GRIK1: variants seen among roughly 807,000 people sequenced by gnomAD.
GRIK1 encodes the protein glutamate receptor ionotropic, kainate 1.
GRIK1 carries 69 observed loss-of-function variants against 105.7 expected under a neutral mutation model. That is an observed-to-expected ratio of 0.65 (90% CI 0.54 to 0.80). The LOEUF (loss-of-function observed/expected upper bound fraction) is 0.80. Ranked by LOEUF, GRIK1 falls within the 30% of genes least tolerant of loss-of-function variation. GRIK1 has a pLI of 0.00. For missense variants in GRIK1, 1,109 were observed against 1,167.3 expected (o/e 0.95, Z 0.73); for synonymous variants, 438 against 431.3 (o/e 1.02, Z -0.19).
intron 1 of GRIK1, among the ~76,000 whole-genome samples, chr21:29,702,185 C>T (rs763122946): frequency 3.1e-4 from 47 of 152,120 alleles, no homozygotes; most frequent in Non-Finnish European, 4.6e-4. Flanking sequence ...AGAAAAATAA[C>T]TAATGGGTAC....
chr21:29,915,385 A>G (rs1328982977), intron 1 of GRIK1, among the ~76,000 whole-genome samples: 2 of 152,060 alleles, frequency 1.3e-5, no homozygotes, highest in Non-Finnish European at 2.9e-5. Context: ...TTTAAATTTG[A>G]TACAACTAAA....
chr21:29,816,790 A>G (rs2067166425), intron 1 of GRIK1, among the ~76,000 whole-genome samples: 1 of 152,108 alleles, frequency 6.6e-6, no homozygotes, highest in South Asian at 2.1e-4. Context: ...GAGACTGGGA[A>G]GGGAAGTGTG....
chr21:29,560,361 CT>C, intron 15 of GRIK1, among the ~76,000 whole-genome samples: 1 of 35,260 alleles, frequency 2.8e-5, no homozygotes, highest in East Asian at 9.3e-4. Flanking sequence ...CTTTCTTTTT[CT>C]TTCTTCCTTC....
intron 12 of GRIK1, among the ~76,000 whole-genome samples, chr21:29,586,509 C>T (rs2091133691): frequency 6.6e-6 from 1 of 152,124 alleles, no homozygotes; most frequent in African/African-American, 2.4e-5. Context: ...GGAAAAAGTT[C>T]ACTGAGTTTT....
chr21:29,560,433 C>CTTTCTTTCTT (rs1568814579), intron 15 of GRIK1, among the ~76,000 whole-genome samples: 1 of 121,034 alleles, frequency 8.3e-6, no homozygotes, highest in Non-Finnish European at 1.6e-5. Flanking sequence ...TTCTTTCTTT[C>CTTTCTTTCTT]TTTCTTTTTC....
chr21:29,666,808 A>G (rs1427972150), intron 4 of GRIK1, among the ~76,000 whole-genome samples: 1 of 152,246 alleles, frequency 6.6e-6, no homozygotes, highest in Non-Finnish European at 1.5e-5. Flanking sequence ...TCAGGTTGCA[A>G]TAAGACGAGA....
At chr21:29,554,242 A>G (rs1198049104) in intron 16 of GRIK1, among the ~76,000 whole-genome samples, 1 of 152,226 alleles carries the variant, frequency 6.6e-6, no homozygotes, top group Non-Finnish European at 1.5e-5. Flanking sequence ...TAGTCTTAAA[A>G]TTCTAACAAT....
chr21:29,872,104 AT>A (rs1224029026), intron 1 of GRIK1, among the ~76,000 whole-genome samples: 1 of 151,974 alleles, frequency 6.6e-6, no homozygotes, highest in Non-Finnish European at 1.5e-5. Context: ...AACTGTAAAT[AT>A]TAATGGTGTA....
chr21:29,724,460 A>C (rs1313109142), intron 1 of GRIK1, among the ~76,000 whole-genome samples: 4 of 152,228 alleles, frequency 2.6e-5, no homozygotes, highest in African/African-American at 9.6e-5. Flanking sequence ...ATTCTAAAGC[A>C]TTGAGTGAAA....
At chr21:29,845,169 T>A (rs1298933412) in intron 1 of GRIK1, among the ~76,000 whole-genome samples, 1 of 152,192 alleles carries the variant, frequency 6.6e-6, no homozygotes, top group Non-Finnish European at 1.5e-5. Context: ...TATTGGTTTA[T>A]TTTAGGAAAC....
At chr21:29,800,587 G>T (rs1229288085) in intron 1 of GRIK1, among the ~76,000 whole-genome samples, 3 of 152,148 alleles carry the variant, frequency 2.0e-5, no homozygotes, top group African/African-American at 7.2e-5. Flanking sequence ...ATTCTTGTTG[G>T]AATTTCTGTT....
At chr21:29,771,803 T>G (rs1260474237) in intron 1 of GRIK1, among the ~76,000 whole-genome samples, 1 of 152,248 alleles carries the variant, frequency 6.6e-6, no homozygotes, top group Non-Finnish European at 1.5e-5. Flanking sequence ...TACTGCTGTA[T>G]TGCCAGCTGG....
Position 29,577,086 on chromosome 21 carries a change from G to C in GRIK1, c.2008C>G (p.Leu670Val), listed in dbSNP as rs2146240106. 6.2e-7 allele frequency: 1 copy of C among 1,612,040 alleles called. No homozygotes were observed. Among genetic ancestry groups the C allele is most frequent in the Non-Finnish European group, 8.5e-7 (1 of 1,178,152 alleles). The change falls in exon 14 of 18, where the codon CTG becomes GTG. Residue 670 changes from leucine (L) to valine (V), a missense_variant. Transcript: ENST00000327783. ...LIIISSYTAN[L>V]AAFLTVERME... ...CTCTCTACTGTCAAGAAGGCAGCCAGATTGGCCGTGTAGGATGAAATGATG... is the reference window on the plus strand; with the variant it reads ...CTCTCTACTGTCAAGAAGGCAGCCACATTGGCCGTGTAGGATGAAATGATG...
rs890636545 is a variant in GRIK1, at chr21:29,791,152, G to A, written c.119-97089C>T. ...GGATCTGGAGTATGGTGTGAGCTCT[G>A]GTCAAAGAGAAATGCTGGACCAGAG... On this transcript the variant is annotated intron_variant, in intron 1 of 17. Transcript: ENST00000327783. Among the ~76,000 whole-genome samples the A allele has an allele frequency of 5.3e-5, 8 of 152,212 alleles. No individual in the cohort carries two copies. The East Asian group carries it at 1.4e-3, about 26-fold the overall frequency.
intron 16 of GRIK1, among the ~76,000 whole-genome samples, chr21:29,543,953 C>T (rs2186305): frequency 0.65 from 98,591 of 152,018 alleles, 32,584 homozygotes; most frequent in Middle Eastern, 0.74. Flanking sequence ...CCCGTGTTTG[C>T]TAATGTCATG....
chr21:29,727,507 G>A (rs751912820), intron 1 of GRIK1, among the ~76,000 whole-genome samples: 1 of 152,160 alleles, frequency 6.6e-6, no homozygotes, highest in Admixed American at 6.5e-5. Context: ...CAGTATCTGA[G>A]GAGAGGGCCA....
At chr21:29,620,500 T>C (rs2061960025) in intron 7 of GRIK1, among the ~76,000 whole-genome samples, 1 of 152,172 alleles carries the variant, frequency 6.6e-6, no homozygotes, top group Admixed American at 6.6e-5. Flanking sequence ...GAGGACATGC[T>C]GTACCCTTTG....
intron 3 of GRIK1, among the ~76,000 whole-genome samples, chr21:29,677,256 A>G (rs2063287400): frequency 6.6e-6 from 1 of 152,212 alleles, no homozygotes; most frequent in South Asian, 2.1e-4. Context: ...ACTTTTCTCT[A>G]AGTTCAAATC....
chr21:29,701,593 C>A (rs2063813645), intron 1 of GRIK1, among the ~76,000 whole-genome samples: 1 of 151,998 alleles, frequency 6.6e-6, no homozygotes. Flanking sequence ...AAACCACTGG[C>A]CATCTTTGAG....
Sources: gnomAD v4.1 joint callset for allele counts (sites outside exome capture counted in the v4.1 genomes callset) on GRCh38, gnomAD v4.1.1 for gene constraint, MANE v1.5 for transcripts, NCBI Gene and HGNC (gene_info 2026-07-23, HGNC 2026-07-21) for gene names.